Variants in ZNF280B observed in about 807,000 individuals in gnomAD.
ZNF280B encodes zinc finger protein 280B.
ZNF280B carries 16 observed loss-of-function variants against 38.0 expected under a neutral mutation model. The ratio of observed to expected loss-of-function variants is 0.42; its 90% CI spans 0.28 to 0.64. ZNF280B has a LOEUF of 0.64. ZNF280B is among the 30% of genes least tolerant of loss of function. The pLI is 0.21. For synonymous variants in ZNF280B, 253 were observed against 230.6 expected (o/e 1.10, Z -0.88); for missense variants, 581 against 639.6 (o/e 0.91, Z 0.99).
intron 2 of ZNF280B, among the ~76,000 whole-genome samples, chr22:22,506,898 A>AC (rs1191900522): frequency 1.3e-5 from 2 of 151,884 alleles, no homozygotes; most frequent in Non-Finnish European, 2.9e-5. Flanking sequence ...AATGAATCCC[A>AC]CTTCCTGGAA....
chr22:22,497,209 A>T lies in ZNF280B; in HGVS notation c.-186-3029T>A, dbSNP rs1270318118. Reference sequence around the variant, plus strand: ...GAGCAGAATCTTGGTCTCCATCTTTAAAAAAAAAAAAAAAAAAAAAAAAAA... The same window carrying T: ...GAGCAGAATCTTGGTCTCCATCTTTTAAAAAAAAAAAAAAAAAAAAAAAAA... On this transcript the variant is annotated intron_variant, in intron 2 of 3. Coordinates refer to ENST00000626650, the MANE Select transcript of ZNF280B (RefSeq NM_080764.4). Among the ~76,000 whole-genome samples the T allele has an allele frequency of 4.5e-3, 12 of 2,690 alleles. No homozygotes were observed. The South Asian group carries it at 0.077, about 17-fold the overall frequency. The allele number at this position is 2,690 out of a possible 152,430, so 1.8% of individuals were successfully genotyped here. A position where few individuals can be genotyped will look rare whatever the true frequency, so the allele number is the denominator to read the frequency against.
Position 22,487,179 on chromosome 22 carries a change from C to T in ZNF280B, c.*588G>A, listed in dbSNP as rs893948056. 3 of 151,854 alleles carry T rather than the reference C, an allele frequency of 2.0e-5. No individual in the cohort carries two copies. The highest frequency in any genetic ancestry group is 1.3e-4 in the Admixed American group (2 of 15,224). The allele number at this position is 151,854 out of a possible 1,614,324, so 9.4% of individuals were successfully genotyped here. On this transcript the variant is annotated 3_prime_UTR_variant, in exon 4 of 4. Transcript: ENST00000626650. ...TAAATAGGTGCCAGGGGCAGTGACT[C>T]ACACAACCCAGCACTTGGGGAGGCT...
chr22:22,500,598 G>C (rs1417264042), intron 2 of ZNF280B, among the ~76,000 whole-genome samples: 1 of 151,910 alleles, frequency 6.6e-6, no homozygotes, highest in Non-Finnish European at 1.5e-5. Context: ...GCTCACACCT[G>C]TAATCCCAGG....
intron 3 of ZNF280B, among the ~76,000 whole-genome samples, chr22:22,490,878 T>C (rs780998061): frequency 3.3e-5 from 5 of 151,746 alleles, no homozygotes; most frequent in Non-Finnish European, 5.9e-5. Context: ...TCACTGCCCT[T>C]AGGGCTCTAT....
chr22:22,508,443 G>C (rs2061984489), intron 1 of ZNF280B, among the ~76,000 whole-genome samples: 1 of 151,752 alleles, frequency 6.6e-6, no homozygotes, highest in Non-Finnish European at 1.5e-5. Context: ...TGTAAAAGTG[G>C]CGCCCGCTGA....
intron 2 of ZNF280B, among the ~76,000 whole-genome samples, chr22:22,497,140 G>C (rs13056238): frequency 7.8e-6 from 1 of 128,722 alleles, no homozygotes. Flanking sequence ...CTAAGCAACA[G>C]AGAAAATCAG....
chr22:22,490,387 C>T (rs373766072), intron 3 of ZNF280B, among the ~76,000 whole-genome samples: 16 of 152,102 alleles, frequency 1.1e-4, no homozygotes, highest in African/African-American at 3.9e-4. Flanking sequence ...CTACCAACCC[C>T]ACATACTGCT....
rs1569171959 is a variant in ZNF280B at position 22,487,781 on chromosome 22, T to C, written c.1618A>G (p.Lys540Glu). The C allele has an allele frequency of 7.6e-6, 12 of 1,573,300 alleles. No homozygotes were observed. The highest frequency in any genetic ancestry group is 1.0e-5 in the Non-Finnish European group (12 of 1,163,732). The change falls in exon 4 of 4, where the codon AAA (lysine) becomes GAA (glutamate). Residue 540 changes from lysine (K) to glutamate (E), a missense_variant. Coordinates refer to ENST00000626650, the MANE Select transcript of ZNF280B (RefSeq NM_080764.4). Reference protein sequence around the residue: ...SLPRSKSKISKKSH With the variant: ...SLPRSKSKISEKSH ...TGAAACTAGAATTAATGGGACTTTT[T>C]TGAAATTTTGCTTTTAGACCTGGGG...
At position 22,487,556 on chromosome 22, in the gene ZNF280B, T is replaced by C. The variant is rs142952163; in HGVS notation, c.*211A>G. On this transcript the variant is annotated 3_prime_UTR_variant, in exon 4 of 4. Coordinates refer to ENST00000626650, the MANE Select transcript of ZNF280B (RefSeq NM_080764.4). ...AACACCTTTTATGTGTTAAGCCAGA[T>C]ACAGTTAACATGAAAACCAGATGTT... The C allele has an allele frequency of 2.3e-4, 107 of 462,532 alleles. No homozygotes were observed. Among genetic ancestry groups the C allele is most frequent in the Middle Eastern group, 5.8e-4 (1 of 1,732 alleles). The allele number at this position is 462,532 out of a possible 1,614,324, so 28.7% of individuals were successfully genotyped here.
chr22:22,492,885 CAA>C (rs34483919), intron 3 of ZNF280B, among the ~76,000 whole-genome samples: 2,154 of 125,276 alleles, frequency 0.017, 48 homozygotes, highest in African/African-American at 0.058. Context: ...GACTGCATCT[CAA>C]AAAAAAAAAA....
At chr22:22,491,236 T>C (rs182002910) in intron 3 of ZNF280B, among the ~76,000 whole-genome samples, 1 of 151,796 alleles carries the variant, frequency 6.6e-6, no homozygotes, top group African/African-American at 2.4e-5. Context: ...AATTCCACAT[T>C]TTCTATGAAT....
rs71199486 is a variant in ZNF280B, at chr22:22,497,208, TAAAAAAAAAAAAAAAAAAAAAA to T, written c.-186-3050_-186-3029del. Among the ~76,000 whole-genome samples, 212 of 33,642 alleles carry T rather than the reference TAAAAAAAAAAAAAAAAAAAAAA, an allele frequency of 6.3e-3. 2 individuals are homozygous for T. Among genetic ancestry groups the T allele is most frequent in the African/African-American group, 9.6e-3 (101 of 10,528 alleles). The allele number at this position is 33,642 out of a possible 152,430, so 22.1% of individuals were successfully genotyped here. A position where few individuals can be genotyped will look rare whatever the true frequency, so the allele number is the denominator to read the frequency against. ...TGAGCAGAATCTTGGTCTCCATCTT[TAAAAAAAAAAAAAAAAAAAAAA>T]AAAAAAAAAAAAAAAAAAGGCCAGG... On this transcript the variant is annotated intron_variant, in intron 2 of 3. Coordinates refer to ENST00000626650, the MANE Select transcript of ZNF280B (RefSeq NM_080764.4).
intron 2 of ZNF280B, among the ~76,000 whole-genome samples, chr22:22,499,225 T>C (rs946052673): frequency 6.6e-6 from 1 of 151,986 alleles, no homozygotes; most frequent in African/African-American, 2.4e-5. Flanking sequence ...GTTCATTCTA[T>C]GAAAATCAAC....
rs543495399 is a variant in ZNF280B, at chr22:22,502,525, G to T, written c.-187+5285C>A. Reference sequence around the variant, plus strand: ...ATGCTGCTACAAAGTGCAAACAACCGAATGTAAATTAATTGATAAATGAAT... The same window carrying T: ...ATGCTGCTACAAAGTGCAAACAACCTAATGTAAATTAATTGATAAATGAAT... On this transcript the variant is annotated intron_variant, in intron 2 of 3. Transcript: ENST00000626650. 3.3e-5 allele frequency among the ~76,000 whole-genome samples: 5 copies of T among 151,818 alleles called. No individual in the cohort carries two copies. In the East Asian group the frequency reaches 9.8e-4, roughly 30 times the overall value.
At chr22:22,503,911 G>A (rs78414692) in intron 2 of ZNF280B, among the ~76,000 whole-genome samples, 2,689 of 151,894 alleles carry the variant, frequency 0.018, 95 homozygotes, top group African/African-American at 0.062. Context: ...GGGTCTCTGC[G>A]ACTGGGAAGC....
chr22:22,508,721 G>C lies in ZNF280B; in HGVS notation c.-310C>G, dbSNP rs778478661. 6.6e-6 allele frequency: 1 copy of C among 151,886 alleles called. No individual in the cohort carries two copies. The highest frequency in any genetic ancestry group is 6.6e-5 in the Admixed American group (1 of 15,246). 9.4% of individuals were successfully genotyped at this position (151,886 alleles called of 1,614,324 possible). A position where few individuals can be genotyped will look rare whatever the true frequency, so the allele number is the denominator to read the frequency against. ...CGCACCAGCCCCGGAGGCGCTCCCG[G>C]GGCACAGCCGGCGGCGACTACGCCT... is the stretch of plus-strand genomic sequence containing the variant. On this transcript the variant is annotated 5_prime_UTR_variant, in exon 1 of 4. Coordinates refer to ENST00000626650, the MANE Select transcript of ZNF280B (RefSeq NM_080764.4).
At chr22:22,491,920 A>G (rs909521846) in intron 3 of ZNF280B, among the ~76,000 whole-genome samples, 3 of 152,010 alleles carry the variant, frequency 2.0e-5, no homozygotes, top group Admixed American at 1.3e-4. Context: ...TTCTAAAAAC[A>G]TATCAAGATT....
chr22:22,491,652 G>A (rs899010852), intron 3 of ZNF280B, among the ~76,000 whole-genome samples: 10 of 151,648 alleles, frequency 6.6e-5, no homozygotes, highest in Admixed American at 2.0e-4. Flanking sequence ...TAGAGACGGA[G>A]TTTCACTGTG....
At chr22:22,498,539 T>C (rs953870795) in intron 2 of ZNF280B, among the ~76,000 whole-genome samples, 2 of 151,332 alleles carry the variant, frequency 1.3e-5, no homozygotes, top group Non-Finnish European at 2.9e-5. Context: ...AAACAGAAAA[T>C]ATGAATGGAT....
Sources: allele counts gnomAD v4.1 joint callset (sites outside exome capture counted in the v4.1 genomes callset), GRCh38; gene constraint gnomAD v4.1.1; transcripts MANE v1.5; gene names NCBI Gene and HGNC (gene_info 2026-07-23, HGNC 2026-07-21).